Variants in VNN1 observed in about 807,000 individuals in gnomAD.
VNN1 encodes the protein pantetheinase.
A neutral mutation model predicts 41.9 loss-of-function variants in VNN1; 29 were observed. That is an observed-to-expected ratio of 0.69 (90% confidence interval 0.52 to 0.94). The LOEUF is 0.94. VNN1 is among the 40% of genes least tolerant of loss of function. The pLI, the probability that VNN1 is intolerant of heterozygous loss-of-function variation, is 0.00. For missense variants in VNN1, 637 were observed against 621.1 expected, an observed-to-expected ratio of 1.03 and a Z score of -0.27; for synonymous variants, 233 against 224.4, an observed-to-expected ratio of 1.04 and a Z score of -0.34.
At chr6:132,693,387 A>C in intron 3 of VNN1, 72 bp from the exon 4 acceptor site, 1 of 1,415,412 alleles carries the variant, frequency 7.1e-7, no homozygotes, top group Non-Finnish European at 9.4e-7. Context: ...GTGTGGGAAA[A>C]AGTACAAGCT....
intron 5 of VNN1, among the ~76,000 whole-genome samples, chr6:132,691,128 G>C (rs1460719955): frequency 6.6e-6 from 1 of 152,174 alleles, no homozygotes; most frequent in East Asian, 1.9e-4. Context: ...GAGATTAGAG[G>C]ATAGAGAATA....
intron 2 of VNN1, among the ~76,000 whole-genome samples, chr6:132,711,459 T>C (rs1436985692): frequency 6.6e-6 from 1 of 152,238 alleles, no homozygotes; most frequent in Non-Finnish European, 1.5e-5. Context: ...TTCTGTTCAC[T>C]GGTGAGGAGT....
intron 5 of VNN1, among the ~76,000 whole-genome samples, chr6:132,690,524 C>A (rs1288578638): frequency 1.3e-5 from 2 of 152,192 alleles, no homozygotes; most frequent in Admixed American, 6.5e-5. Context: ...CTAAGTAGAG[C>A]TCTTTAGTAC....
Position 132,681,741 on chromosome 6 carries a change from G to A in VNN1, c.*1399C>T, listed in dbSNP as rs1229736331. On this transcript the variant is annotated 3_prime_UTR_variant, in exon 7 of 7. Coordinates refer to ENST00000367928, the MANE Select transcript of VNN1 (RefSeq NM_004666.3). ...GCTTTCTTATTTTCTATTAGGTCTTGAAAAAAAGCAAATGTCAGTTAATGT... is the reference window on the plus strand; with the variant it reads ...GCTTTCTTATTTTCTATTAGGTCTTAAAAAAAAGCAAATGTCAGTTAATGT... 1 of 152,372 alleles carries A rather than the reference G, an allele frequency of 6.6e-6. No individual in the cohort carries two copies. Among genetic ancestry groups the A allele is most frequent in the East Asian group, 1.9e-4 (1 of 5,198 alleles). The allele number at this position is 152,372 out of a possible 1,614,324, so 9.4% of individuals were successfully genotyped here.
chr6:132,681,058 A>G lies in VNN1; in HGVS notation c.*2082T>C, dbSNP rs1418249920. On this transcript the variant is annotated 3_prime_UTR_variant, in exon 7 of 7. Coordinates refer to ENST00000367928, the MANE Select transcript of VNN1 (RefSeq NM_004666.3). ...TATATTCACTATGATAGCATCCAAA[A>G]TGGCCCCCATGAAGCCCCACCTCCT... Among the ~76,000 whole-genome samples the G allele has an allele frequency of 6.6e-6, 1 of 152,154 alleles. No individual in the cohort carries two copies. The highest frequency in any genetic ancestry group is 2.4e-5 in the African/African-American group (1 of 41,442).
Position 132,683,410 on chromosome 6 carries a change from G to C in VNN1, c.1360-88C>G, listed in dbSNP as rs1345534917. On this transcript the variant is annotated intron_variant, in intron 6 of 6. Transcript: ENST00000367928. The stretch of plus-strand genomic sequence containing the variant: ...TTAAAATTTACTATAACAGAATGAA[G>C]AAACAAAAATACTGGCCAAATTCCA... 3 of 1,359,682 alleles carry C rather than the reference G, an allele frequency of 2.2e-6. No individual in the cohort carries two copies. The Admixed American group carries it at 8.5e-5, about 39-fold the overall frequency. The allele number at this position is 1,359,682 out of a possible 1,614,324, so 84.2% of individuals were successfully genotyped here.
chr6:132,708,819 T>C (rs188280967), intron 2 of VNN1, among the ~76,000 whole-genome samples: 1 of 152,290 alleles, frequency 6.6e-6, no homozygotes, highest in East Asian at 1.9e-4. Flanking sequence ...GAGTCTATTC[T>C]CAACATTGCG....
At chr6:132,686,341 G>A (rs35011108) in intron 5 of VNN1, among the ~76,000 whole-genome samples, 5,402 of 152,168 alleles carry the variant, frequency 0.036, 141 homozygotes, top group Non-Finnish European at 0.05. Flanking sequence ...CCAGCTACTC[G>A]GGAGGCTGAG....
rs1287547322 is a variant in VNN1 at position 132,693,116 on chromosome 6, A to G, written c.734T>C (p.Leu245Ser). The change falls in exon 4 of 7, where the codon TTG becomes TCG. Residue 245 changes from leucine to serine, a missense_variant. Transcript: ENST00000367928. Reference protein sequence around the residue: ...PTAWMNVLPHLSAVEFHSAWA... With the variant: ...PTAWMNVLPHSSAVEFHSAWA... ...AGCTGAGTGGAATTCAACAGCTGAC[A>G]AATGTGGCAAAACATTCATCCAAGC... The G allele has an allele frequency of 1.1e-5, 17 of 1,614,040 alleles. No homozygotes were observed. In the African/African-American group the frequency reaches 1.2e-4, roughly 11 times the overall value.
At chr6:132,690,740 G>C (rs1562214937) in intron 5 of VNN1, among the ~76,000 whole-genome samples, 1 of 151,912 alleles carries the variant, frequency 6.6e-6, no homozygotes, top group East Asian at 1.9e-4. Flanking sequence ...TGTTAGGGTA[G>C]TTATCATAGA....
At chr6:132,686,820 T>C (rs1434387649) in intron 5 of VNN1, among the ~76,000 whole-genome samples, 1 of 152,082 alleles carries the variant, frequency 6.6e-6, no homozygotes, top group Admixed American at 6.5e-5. Context: ...AAAAATTTCC[T>C]AAATAGCCTC....
Position 132,703,194 on chromosome 6 carries a change from A to G in VNN1, c.341+8515T>C, listed in dbSNP as rs1778472317. Among the ~76,000 whole-genome samples the G allele has an allele frequency of 5.3e-5, 8 of 152,300 alleles. No homozygotes were observed. The South Asian group carries it at 1.7e-3, about 32-fold the overall frequency. On this transcript the variant is annotated intron_variant, in intron 2 of 6. Coordinates refer to ENST00000367928, the MANE Select transcript of VNN1 (RefSeq NM_004666.3). ...CTTCAATCTGAAAGAAAAAGACATC[A>G]ATAACCAATAAGAAAGCATCTTAAG...
intron 5 of VNN1, among the ~76,000 whole-genome samples, chr6:132,687,833 G>T (rs1477351350): frequency 6.6e-6 from 1 of 151,896 alleles, no homozygotes; most frequent in Non-Finnish European, 1.5e-5. Context: ...GAAAATTAAC[G>T]AAATTTAAAA....
chr6:132,696,794 G>A (rs1046996479), intron 2 of VNN1, among the ~76,000 whole-genome samples: 1 of 148,910 alleles, frequency 6.7e-6, no homozygotes, highest in Admixed American at 6.7e-5. Context: ...GAGGGGAGGG[G>A]AGAGGAGGGG....
chr6:132,701,538 G>A (rs190334517), intron 2 of VNN1, among the ~76,000 whole-genome samples: 20 of 152,334 alleles, frequency 1.3e-4, no homozygotes, highest in Non-Finnish European at 2.8e-4. Context: ...CATACTGGAA[G>A]TCCTAGCCAG....
chr6:132,711,513 T>C (rs905233159), intron 2 of VNN1, among the ~76,000 whole-genome samples, 196 bp downstream of exon 2: 1 of 152,236 alleles, frequency 6.6e-6, no homozygotes, highest in South Asian at 2.1e-4. Flanking sequence ...ATTTCTAAGC[T>C]ACTTTCTAGC....
chr6:132,685,352 A>T (rs1429452080), intron 5 of VNN1, among the ~76,000 whole-genome samples: 4 of 152,266 alleles, frequency 2.6e-5, no homozygotes, highest in African/African-American at 9.6e-5. Flanking sequence ...TGACTAAAGC[A>T]GCAGCCGCTA....
chr6:132,700,593 A>G, intron 2 of VNN1, among the ~76,000 whole-genome samples: 1 of 152,134 alleles, frequency 6.6e-6, no homozygotes, highest in Non-Finnish European at 1.5e-5. Flanking sequence ...CAAGCAGAAC[A>G]CCAGAGGCTG....
At chr6:132,686,597 A>T (rs1778212610) in intron 5 of VNN1, among the ~76,000 whole-genome samples, 1 of 152,148 alleles carries the variant, frequency 6.6e-6, no homozygotes, top group Non-Finnish European at 1.5e-5. Flanking sequence ...AAAGACACTT[A>T]CCTCCGATTT....
Sources: gnomAD v4.1 joint callset for allele counts (sites outside exome capture counted in the v4.1 genomes callset) on GRCh38, gnomAD v4.1.1 for gene constraint, MANE v1.5 for transcripts, NCBI Gene and HGNC (gene_info 2026-07-23, HGNC 2026-07-21) for gene names.